CEP85L: variants seen among roughly 807,000 people sequenced by gnomAD.
The protein encoded by CEP85L is centrosomal protein of 85 kDa-like.
Under a neutral mutation model 100.3 loss-of-function variants are expected in CEP85L, and 60 were observed. The observed-to-expected ratio is 0.60, with a 90% CI of 0.49 to 0.74. CEP85L has a LOEUF of 0.74. Among genes scored for constraint, CEP85L ranks in the 30% least tolerant of loss-of-function variants. The probability of loss-of-function intolerance (pLI) is 0.00; values close to 1 mark genes in which losing one functional copy is unlikely to be tolerated. For missense variants in CEP85L, 973 were observed against 936.2 expected, an observed-to-expected ratio of 1.04 and a Z score of -0.51; for synonymous variants, 319 against 322.7, an observed-to-expected ratio of 0.99 and a Z score of 0.12.
At chr6:118,687,603 G>A (rs1210645303) in intron 1 of CEP85L, among the ~76,000 whole-genome samples, 3 of 152,158 alleles carry the variant, frequency 2.0e-5, no homozygotes, top group Admixed American at 6.5e-5. Context: ...GACAATGCTC[G>A]GGATATAAAC....
chr6:118,563,987 C>G (rs541341544), intron 3 of CEP85L, among the ~76,000 whole-genome samples: 10 of 152,144 alleles, frequency 6.6e-5, no homozygotes, highest in African/African-American at 2.4e-4. Flanking sequence ...AGAGACCATC[C>G]CAAATAAAGT....
chr6:118,673,394 C>A (rs1190813461), intron 1 of CEP85L, among the ~76,000 whole-genome samples: 1 of 152,136 alleles, frequency 6.6e-6, no homozygotes, highest in African/African-American at 2.4e-5. Flanking sequence ...TGTTTACAGG[C>A]AAATGTGCCA....
intron 2 of CEP85L, among the ~76,000 whole-genome samples, chr6:118,630,613 G>A (rs1431243453): frequency 6.6e-6 from 1 of 152,146 alleles, no homozygotes; most frequent in African/African-American, 2.4e-5. Flanking sequence ...AAAAGCAAAT[G>A]AGCCATCAAG....
At chr6:118,486,530 C>T (rs75632507) in intron 6 of CEP85L, among the ~76,000 whole-genome samples, 58 of 152,126 alleles carry the variant, frequency 3.8e-4, no homozygotes, top group Non-Finnish European at 6.9e-4. Flanking sequence ...AGAGTAAATG[C>T]CAAAAGAAAC....
At chr6:118,512,877 A>T (rs1179302995) in intron 4 of CEP85L, among the ~76,000 whole-genome samples, 1 of 152,222 alleles carries the variant, frequency 6.6e-6, no homozygotes, top group Non-Finnish European at 1.5e-5. Flanking sequence ...GTACAAAAAA[A>T]GCAGAAAAAA....
At chr6:118,546,027 T>A (rs1046732182) in intron 3 of CEP85L, among the ~76,000 whole-genome samples, 9 of 118,212 alleles carry the variant, frequency 7.6e-5, no homozygotes, top group Non-Finnish European at 1.8e-4. Flanking sequence ...AGCTGAGGAA[T>A]CATTGAGGAA....
chr6:118,543,410 T>C (rs1778021421), intron 3 of CEP85L, among the ~76,000 whole-genome samples: 1 of 152,164 alleles, frequency 6.6e-6, no homozygotes, highest in African/African-American at 2.4e-5. Context: ...TATTGAGCCT[T>C]CTAAGGGATA....
chr6:118,677,319 T>G (rs1334788127), intron 1 of CEP85L, among the ~76,000 whole-genome samples: 1 of 152,128 alleles, frequency 6.6e-6, no homozygotes, highest in East Asian at 1.9e-4. Context: ...CTACCAGAAC[T>G]AAAATTTTGA....
chr6:118,635,979 A>G (rs1462100580), intron 1 of CEP85L, among the ~76,000 whole-genome samples: 1 of 152,198 alleles, frequency 6.6e-6, no homozygotes, highest in Middle Eastern at 3.2e-3. Context: ...AAACAGTTCA[A>G]TAAAACCTTT....
chr6:118,520,436 ATT>A (rs746006312), intron 4 of CEP85L, among the ~76,000 whole-genome samples: 10 of 152,200 alleles, frequency 6.6e-5, no homozygotes, highest in Non-Finnish European at 1.3e-4. Flanking sequence ...TAATTGTCAT[ATT>A]TGTGGGGTAT....
At chr6:118,662,535 GA>G (rs71012399) in intron 1 of CEP85L, among the ~76,000 whole-genome samples, 93,913 of 138,890 alleles carry the variant, frequency 0.68, 30,980 homozygotes, top group Middle Eastern at 0.76. Context: ...CATCTCAAAA[GA>G]AAAAAAAAAA....
chr6:118,651,089 G>T lies in CEP85L; in HGVS notation c.73+108C>A. 5.1e-6 allele frequency: 7 copies of T among 1,367,030 alleles called. No individual in the cohort carries two copies. In the South Asian group the frequency reaches 1.0e-4, roughly 20 times the overall value. 84.7% of individuals were successfully genotyped at this position (1,367,030 alleles called of 1,614,324 possible). On this transcript the variant is annotated intron_variant, in intron 1 of 12. Transcript: ENST00000368491. ...GGGCACGCGGCGGCGTCGGGGAGGC[G>T]GCCGGGGTAAGACAGGCCTGAGGCG...
At chr6:118,543,669 A>G (rs148360998) in intron 3 of CEP85L, among the ~76,000 whole-genome samples, 75 of 152,348 alleles carry the variant, frequency 4.9e-4, no homozygotes, top group African/African-American at 1.8e-3. Context: ...TAAGGAAAAT[A>G]ATTCGGATAG....
chr6:118,538,011 T>C (rs1419357883), intron 3 of CEP85L: 1 of 691,464 alleles, frequency 1.4e-6, no homozygotes, highest in African/African-American at 1.9e-5. Flanking sequence ...TAACATAAAA[T>C]TTAAAGAATC....
intron 2 of CEP85L, among the ~76,000 whole-genome samples, chr6:118,569,073 G>A (rs1779715749): frequency 6.6e-6 from 1 of 151,972 alleles, no homozygotes; most frequent in Admixed American, 6.6e-5. Context: ...GGGGGCAGTG[G>A]CTCACACCTG....
chr6:118,628,438 T>C (rs561749760), intron 2 of CEP85L, among the ~76,000 whole-genome samples: 3 of 151,950 alleles, frequency 2.0e-5, no homozygotes, highest in Non-Finnish European at 4.4e-5. Context: ...ATTAGTAGAC[T>C]GGACTTGGCA....
intron 4 of CEP85L, among the ~76,000 whole-genome samples, chr6:118,519,026 T>C (rs1394284334): frequency 2.6e-5 from 4 of 152,348 alleles, no homozygotes; most frequent in African/African-American, 4.8e-5. Context: ...TCAGTTTCCA[T>C]GCAGTCGTGT....
chr6:118,567,247 G>A (rs1310546605), intron 2 of CEP85L, among the ~76,000 whole-genome samples: 3,632 of 30,260 alleles, frequency 0.12, 72 homozygotes, highest in Non-Finnish European at 0.14. Context: ...GTGTGTGTGT[G>A]TGTATATATA....
chr6:118,535,155 G>A (rs998755556), intron 3 of CEP85L, among the ~76,000 whole-genome samples: 6 of 152,028 alleles, frequency 3.9e-5, no homozygotes, highest in South Asian at 2.1e-4. Flanking sequence ...TAAGATAAAC[G>A]GATAAAAACG....
Sources: allele counts gnomAD v4.1 joint callset (sites outside exome capture counted in the v4.1 genomes callset), GRCh38; gene constraint gnomAD v4.1.1; transcripts MANE v1.5; gene names NCBI Gene and HGNC (gene_info 2026-07-23, HGNC 2026-07-21).